The following POU2F1 variants were observed in gnomAD, a reference collection of about 807,000 sequenced individuals.
POU2F1 encodes POU class 2 homeobox 1.
A neutral mutation model predicts 84.9 loss-of-function variants in POU2F1; 16 were observed. That is an observed-to-expected ratio of 0.19 (90% confidence interval 0.13 to 0.29). POU2F1 has a LOEUF of 0.29. POU2F1 is among the 10% of genes least tolerant of loss of function. The pLI, the probability that POU2F1 is intolerant of heterozygous loss-of-function variation, is 1.00. For synonymous variants in POU2F1, 368 were observed against 368.3 expected, an observed-to-expected ratio of 1.00 and a Z score of 0.01; for missense variants, 738 against 942.6, an observed-to-expected ratio of 0.78 and a Z score of 2.84.
intron 2 of POU2F1, among the ~76,000 whole-genome samples, chr1:167,358,737 T>TTTG (rs71097670): frequency 3.4e-5 from 3 of 88,830 alleles, no homozygotes; most frequent in Admixed American, 1.6e-4. Context: ...TTTTTTTTTT[T>TTTG]GAGACAGGTT....
intron 1 of POU2F1, among the ~76,000 whole-genome samples, chr1:167,271,031 T>C (rs1432897447): frequency 6.6e-6 from 1 of 152,246 alleles, no homozygotes; most frequent in Non-Finnish European, 1.5e-5. Flanking sequence ...CAAGCCAGTG[T>C]TAACACATTT....
At position 167,268,945 on chromosome 1, in the gene POU2F1, A is replaced by G. The variant is rs145794773; in HGVS notation, c.61+47987A>G. The stretch of plus-strand genomic sequence containing the variant: ...GTAATAACTTTGATTTACATTCACT[A>G]TAGTTTTTCCTCCCTTTGTCCGTGT... On this transcript the variant is annotated intron_variant, in intron 1 of 15. Coordinates refer to ENST00000367866, the MANE Select transcript of POU2F1 (RefSeq NM_002697.4). Among the ~76,000 whole-genome samples, 222 of 152,322 alleles carry G rather than the reference A, an allele frequency of 1.5e-3. 2 individuals are homozygous for G. Among genetic ancestry groups the G allele is most frequent in the Admixed American group, 0.013 (193 of 15,300 alleles).
chr1:167,384,428 ATAAAGGT>A (rs1647804331), intron 8 of POU2F1, among the ~76,000 whole-genome samples: 1 of 152,136 alleles, frequency 6.6e-6, no homozygotes, highest in Non-Finnish European at 1.5e-5. Flanking sequence ...ATTTAGACAT[ATAAAGGT>A]TTAAATTATA....
chr1:167,327,210 G>A (rs1326853443), intron 1 of POU2F1, among the ~76,000 whole-genome samples: 5 of 152,142 alleles, frequency 3.3e-5, no homozygotes, highest in Non-Finnish European at 2.9e-5. Flanking sequence ...TGTCTGCCCT[G>A]GCACAACTGC....
Position 167,220,907 on chromosome 1 carries a change from G to C in POU2F1, c.10G>C (p.Gly4Arg). The change falls in exon 1 of 16, where the codon GGA (glycine) becomes CGA (arginine). Residue 4 changes from glycine (G) to arginine (R), a missense_variant. Coordinates refer to ENST00000367866, the MANE Select transcript of POU2F1 (RefSeq NM_002697.4). ...GGTTAAAATATTCAAAATGGCGGAC[G>C]GAGGAGCAGCGAGTCAAGATGAGAG... MAD[G>R]GAASQDESSA... 6.5e-7 allele frequency: 1 copy of C among 1,535,246 alleles called. No individual in the cohort carries two copies. Among genetic ancestry groups the C allele is most frequent in the Non-Finnish European group, 8.7e-7 (1 of 1,146,778 alleles).
intron 8 of POU2F1, among the ~76,000 whole-genome samples, chr1:167,389,079 G>A (rs1323671319): frequency 1.3e-5 from 2 of 152,110 alleles, no homozygotes; most frequent in African/African-American, 4.8e-5. Flanking sequence ...AGCGAAACCT[G>A]TTATAAGCTA....
chr1:167,365,305 A>G (rs1431197343), intron 2 of POU2F1, among the ~76,000 whole-genome samples, 162 bp from the exon 3 acceptor site: 2 of 152,228 alleles, frequency 1.3e-5, no homozygotes, highest in Non-Finnish European at 2.9e-5. Context: ...TTTAGAAGAT[A>G]AACCAGTTTA....
chr1:167,341,248 A>T (rs553158642), intron 2 of POU2F1, among the ~76,000 whole-genome samples: 23 of 152,226 alleles, frequency 1.5e-4, no homozygotes, highest in African/African-American at 5.1e-4. Flanking sequence ...TTGGCTTATT[A>T]TAATTATTTT....
chr1:167,358,735 T>TC, intron 2 of POU2F1, among the ~76,000 whole-genome samples: 1 of 133,620 alleles, frequency 7.5e-6, no homozygotes, highest in Non-Finnish European at 1.6e-5. Context: ...TTTTTTTTTT[T>TC]TTGAGACAGG....
At chr1:167,412,362 CA>C in intron 14 of POU2F1, 58 bp downstream of exon 14, 2 of 1,394,670 alleles carry the variant, frequency 1.4e-6, no homozygotes, top group East Asian at 2.5e-5. Flanking sequence ...TGGAATTACT[CA>C]CAGGGGAGAC....
At chr1:167,356,658 A>G (rs1172955350) in intron 2 of POU2F1, among the ~76,000 whole-genome samples, 1 of 152,218 alleles carries the variant, frequency 6.6e-6, no homozygotes, top group African/African-American at 2.4e-5. Context: ...ATAAGGCAGC[A>G]GAAGAGACCA....
intron 1 of POU2F1, among the ~76,000 whole-genome samples, chr1:167,314,883 G>A (rs149814067): frequency 1.8e-3 from 280 of 152,246 alleles, no homozygotes; most frequent in African/African-American, 6.5e-3. Flanking sequence ...GGTGGGGCCT[G>A]GTGGAAAGTG....
intron 1 of POU2F1, among the ~76,000 whole-genome samples, chr1:167,305,545 A>G (rs1318079114): frequency 6.6e-6 from 1 of 152,164 alleles, no homozygotes; most frequent in Non-Finnish European, 1.5e-5. Flanking sequence ...ATATCATGTA[A>G]CCGTTTATTC....
chr1:167,254,032 C>T (rs1426543571), intron 1 of POU2F1, among the ~76,000 whole-genome samples: 1 of 151,890 alleles, frequency 6.6e-6, no homozygotes, highest in African/African-American at 2.4e-5. Context: ...TGGGTTGGGT[C>T]CTTGGGCAAA....
intron 2 of POU2F1, among the ~76,000 whole-genome samples, chr1:167,354,702 G>A (rs368733335): frequency 3.0e-4 from 45 of 152,292 alleles, no homozygotes; most frequent in African/African-American, 1.7e-4. Flanking sequence ...GGGATTAACC[G>A]ACTTTGCAAT....
At chr1:167,372,811 A>G (rs1660092503) in intron 5 of POU2F1, among the ~76,000 whole-genome samples, 1 of 152,156 alleles carries the variant, frequency 6.6e-6, no homozygotes, top group South Asian at 2.1e-4. Context: ...TATTTTTCCA[A>G]TGTTGAAAAT....
intron 1 of POU2F1, among the ~76,000 whole-genome samples, chr1:167,296,689 G>A (rs1654307229): frequency 6.6e-6 from 1 of 152,132 alleles, no homozygotes; most frequent in Non-Finnish European, 1.5e-5. Flanking sequence ...AAATAGAAAT[G>A]TATATGGTAA....
In POU2F1 at chr1:167,415,836, G is replaced by T. The variant is rs370071032; in HGVS notation, c.*26G>T. The T allele has an allele frequency of 2.4e-5, 38 of 1,594,200 alleles. No homozygotes were observed. In the African/African-American group the frequency reaches 4.3e-4, roughly 18 times the overall value. On this transcript the variant is annotated 3_prime_UTR_variant, in exon 16 of 16. Coordinates refer to ENST00000367866, the MANE Select transcript of POU2F1 (RefSeq NM_002697.4). ...GCTGGGCAGAGCTGGGCTGCCAGAA[G>T]CCTTTTTCACTCTGCAGTGTGATTG...
intron 1 of POU2F1, among the ~76,000 whole-genome samples, chr1:167,329,816 T>C (rs1297017237): frequency 6.6e-6 from 1 of 152,356 alleles, no homozygotes; most frequent in South Asian, 2.1e-4. Context: ...GCAACAGATC[T>C]GTTGATCGAT....
Sources: allele counts gnomAD v4.1 joint callset (sites outside exome capture counted in the v4.1 genomes callset), GRCh38; gene constraint gnomAD v4.1.1; transcripts MANE v1.5; gene names NCBI Gene and HGNC (gene_info 2026-07-23, HGNC 2026-07-21).